The following SHISA9 variants were observed in gnomAD, a reference collection of about 807,000 sequenced individuals.
SHISA9 encodes shisa family member 9.
In SHISA9, 13 loss-of-function variants were observed where a neutral mutation model predicts 38.0. The ratio of observed to expected loss-of-function variants is 0.34; its 90% CI spans 0.22 to 0.54. The LOEUF (loss-of-function observed/expected upper bound fraction) is 0.54. SHISA9 is among the 20% of genes least tolerant of loss of function. The pLI is 0.91. For missense variants in SHISA9, 538 were observed against 575.8 expected, an observed-to-expected ratio of 0.93 and a Z score of 0.67; for synonymous variants, 275 against 242.0, an observed-to-expected ratio of 1.14 and a Z score of -1.27.
intron 2 of SHISA9, among the ~76,000 whole-genome samples, chr16:13,121,945 G>A (rs893827116): frequency 5.3e-5 from 8 of 150,324 alleles, no homozygotes; most frequent in Admixed American, 2.0e-4. Flanking sequence ...TTTCCTCTTC[G>A]ATAAAATGAT....
chr16:12,982,254 T>C (rs2072248911), intron 2 of SHISA9, among the ~76,000 whole-genome samples: 1 of 152,210 alleles, frequency 6.6e-6, no homozygotes, highest in Non-Finnish European at 1.5e-5. Flanking sequence ...TGTGGCCATT[T>C]ACATTTAAAT....
intron 2 of SHISA9, among the ~76,000 whole-genome samples, chr16:12,940,906 C>T (rs1467944856): frequency 1.3e-5 from 2 of 152,138 alleles, no homozygotes; most frequent in African/African-American, 4.8e-5. Flanking sequence ...GTTCCTAAGA[C>T]AGGCAAAAGA....
chr16:13,038,807 C>T (rs568835958), intron 2 of SHISA9, among the ~76,000 whole-genome samples: 1 of 152,154 alleles, frequency 6.6e-6, no homozygotes, highest in African/African-American at 2.4e-5. Flanking sequence ...CAATTTTGCC[C>T]ACTACTGAAT....
chr16:13,481,227 C>G, the SHISA9 span, among the ~76,000 whole-genome samples: 1 of 152,170 alleles, frequency 6.6e-6, no homozygotes, highest in Non-Finnish European at 1.5e-5. Context: ...TCTCTGTGTA[C>G]TTTATTTACA....
At chr16:13,172,990 CCAGTGCATTAGGAGCT>C (rs1201744867) in intron 2 of SHISA9, among the ~76,000 whole-genome samples, 1 of 152,028 alleles carries the variant, frequency 6.6e-6, no homozygotes, top group Non-Finnish European at 1.5e-5. Context: ...CAAGTAAAGA[CCAGTGCATTAGGAGCT>C]CAACATATAA....
the SHISA9 span, among the ~76,000 whole-genome samples, chr16:13,439,651 A>G: frequency 1.3e-5 from 2 of 152,208 alleles, no homozygotes; most frequent in African/African-American, 2.4e-5. Context: ...GCACAAAAAA[A>G]TGGCAGAAAC....
the SHISA9 span, among the ~76,000 whole-genome samples, chr16:13,447,655 T>A: frequency 6.6e-6 from 1 of 152,188 alleles, no homozygotes; most frequent in African/African-American, 2.4e-5. Flanking sequence ...TAGACATGCA[T>A]TATAATCAGC....
intron 2 of SHISA9, among the ~76,000 whole-genome samples, chr16:13,071,784 T>A (rs2073521518): frequency 6.6e-6 from 1 of 151,914 alleles, no homozygotes; most frequent in Admixed American, 6.6e-5. Context: ...ACTACAGGCA[T>A]GCACCACCAT....
intron 2 of SHISA9, among the ~76,000 whole-genome samples, chr16:12,995,048 T>C (rs11646847): frequency 0.28 from 42,787 of 151,980 alleles, 6,314 homozygotes; most frequent in Middle Eastern, 0.34. Context: ...GCCAGTATTT[T>C]TTTTTTTAAA....
the SHISA9 span, among the ~76,000 whole-genome samples, chr16:13,553,894 AC>A: frequency 2.0e-5 from 3 of 152,138 alleles, no homozygotes; most frequent in Non-Finnish European, 2.9e-5. Context: ...CAGAATCCAA[AC>A]CAGATGATGA....
At chr16:13,449,462 T>C in the SHISA9 span, among the ~76,000 whole-genome samples, 1 of 152,144 alleles carries the variant, frequency 6.6e-6, no homozygotes, top group African/African-American at 2.4e-5. Flanking sequence ...GGGAAGCTAT[T>C]GATTGGAAAG....
chr16:13,304,391 C>T, the SHISA9 span, among the ~76,000 whole-genome samples: 2 of 152,328 alleles, frequency 1.3e-5, no homozygotes, highest in African/African-American at 4.8e-5. Flanking sequence ...TCCCAAGTAT[C>T]TGTGATTACA....
chr16:13,474,710 C>A, the SHISA9 span, among the ~76,000 whole-genome samples: 1 of 152,174 alleles, frequency 6.6e-6, no homozygotes. Flanking sequence ...TATTTTAGAG[C>A]AGCTCACTGG....
intron 2 of SHISA9, among the ~76,000 whole-genome samples, chr16:13,098,362 G>T (rs2073847151): frequency 6.6e-6 from 1 of 152,114 alleles, no homozygotes; most frequent in Non-Finnish European, 1.5e-5. Context: ...TACAGTTAAT[G>T]GCTCCTCTTC....
the SHISA9 span, among the ~76,000 whole-genome samples, chr16:13,262,938 T>C: frequency 2.6e-5 from 4 of 152,194 alleles, no homozygotes; most frequent in African/African-American, 9.6e-5. Flanking sequence ...AGGGCACCTA[T>C]GCCTTGCATT....
chr16:13,543,334 G>GT, the SHISA9 span, among the ~76,000 whole-genome samples: 1 of 152,162 alleles, frequency 6.6e-6, no homozygotes, highest in African/African-American at 2.4e-5. Context: ...AGGGGACATT[G>GT]TATTTACACT....
the SHISA9 span, among the ~76,000 whole-genome samples, chr16:13,438,389 A>G: frequency 1.3e-5 from 2 of 152,176 alleles, no homozygotes; most frequent in Non-Finnish European, 2.9e-5. Context: ...GAGACCTAAC[A>G]GCATCTACCT....
At chr16:13,033,678 T>G (rs2073018539) in intron 2 of SHISA9, among the ~76,000 whole-genome samples, 1 of 152,156 alleles carries the variant, frequency 6.6e-6, no homozygotes, top group Non-Finnish European at 1.5e-5. Context: ...CACTGTTATG[T>G]CCTTGGGTTG....
At chr16:13,253,658 G>A in the SHISA9 span, among the ~76,000 whole-genome samples, 1 of 152,114 alleles carries the variant, frequency 6.6e-6, no homozygotes, top group Non-Finnish European at 1.5e-5. Flanking sequence ...ACCACCCCAT[G>A]ATTCAATTAT....
Sources: allele counts gnomAD v4.1 joint callset (sites outside exome capture counted in the v4.1 genomes callset), GRCh38; gene constraint gnomAD v4.1.1; transcripts MANE v1.5; gene names NCBI Gene and HGNC (gene_info 2026-07-23, HGNC 2026-07-21).